The following SMG9 variants were observed in gnomAD, a reference collection of about 807,000 sequenced individuals.
SMG9 encodes the protein nonsense-mediated mRNA decay factor SMG9.
SMG9 carries 55 observed loss-of-function variants against 64.0 expected under a neutral mutation model. That is an observed-to-expected ratio of 0.86 (90% CI 0.69 to 1.08). SMG9 has a LOEUF of 1.08. SMG9 is among the 50% of genes least tolerant of loss of function. The probability of loss-of-function intolerance (pLI) is 0.00; values close to 1 mark genes in which losing one functional copy is unlikely to be tolerated. For missense variants in SMG9, 554 were observed against 681.3 expected (o/e 0.81, Z 2.08); for synonymous variants, 244 against 254.8 (o/e 0.96, Z 0.41).
chr19:43,733,543 G>T, intron 11 of SMG9, 83 bp downstream of exon 11: 1 of 1,607,964 alleles, frequency 6.2e-7, no homozygotes. Flanking sequence ...CAGGAGACTA[G>T]TCTGGGGGTA....
At chr19:43,740,951 T>C (rs1050707077) in intron 6 of SMG9, among the ~76,000 whole-genome samples, 3 of 152,188 alleles carry the variant, frequency 2.0e-5, no homozygotes, top group African/African-American at 7.2e-5. Flanking sequence ...AAAATCAGGG[T>C]AATAGTACCT....
intron 2 of SMG9, 108 bp from the exon 3 acceptor site, chr19:43,748,160 T>C (rs1969086500): frequency 3.9e-6 from 5 of 1,283,896 alleles, no homozygotes; most frequent in Non-Finnish European, 5.3e-6. Flanking sequence ...ACCTTGATCC[T>C]ACCAACAGCC....
chr19:43,741,704 C>G (rs1268621580), intron 6 of SMG9, among the ~76,000 whole-genome samples: 1 of 152,188 alleles, frequency 6.6e-6, no homozygotes, highest in African/African-American at 2.4e-5. Context: ...CCACTTCAGA[C>G]GCATTGCCCA....
rs2146379383 is a variant in SMG9 at position 43,740,352 on chromosome 19, C to G, written c.702-134G>C. On this transcript the variant is annotated intron_variant, in intron 6 of 13. Coordinates refer to ENST00000270066, the MANE Select transcript of SMG9 (RefSeq NM_019108.4). ...CTCCCTAAGCTTTTCATCTGTGGCC[C>G]ATGTCAGGGGGTGGGAGGCGGGGGT... 2 of 669,252 alleles carry G rather than the reference C, an allele frequency of 3.0e-6. 1 individual carries two copies. The highest frequency in any genetic ancestry group is 5.4e-6 in the Non-Finnish European group (2 of 369,228). 41.5% of individuals were successfully genotyped at this position (669,252 alleles called of 1,614,324 possible).
intron 1 of SMG9, among the ~76,000 whole-genome samples, chr19:43,753,468 T>C (rs1969256426): frequency 1.3e-5 from 2 of 148,392 alleles, no homozygotes; most frequent in Admixed American, 6.7e-5. Context: ...CTTTTTTTTT[T>C]TTTTTTTTTT....
chr19:43,729,023 G>C lies in SMG9; in HGVS notation c.*2573C>G. 1 of 985,648 alleles carries C rather than the reference G, an allele frequency of 1.0e-6. No individual in the cohort carries two copies. The highest frequency in any genetic ancestry group is 1.2e-6 in the Non-Finnish European group (1 of 830,106). The allele number at this position is 985,648 out of a possible 1,614,324, so 61.1% of individuals were successfully genotyped here. A position where few individuals can be genotyped will look rare whatever the true frequency, so the allele number is the denominator to read the frequency against. On this transcript the variant is annotated 3_prime_UTR_variant, in exon 14 of 14. Transcript: ENST00000270066. ...ATCTAGCTGGTGTCCACAGTGGCCT[G>C]CTGGCAGCATCAGCCTGAGTCCTCT...
intron 5 of SMG9, among the ~76,000 whole-genome samples, chr19:43,745,540 C>T (rs1233825705): frequency 1.3e-5 from 2 of 152,156 alleles, no homozygotes; most frequent in Non-Finnish European, 2.9e-5. Context: ...CTTAGAATTA[C>T]CTTAAAATTT....
Position 43,740,212 on chromosome 19 carries a change from AT to A in SMG9, c.707del (p.Tyr236LeufsTer10). ...TTTCAGCGCTCTGGGCCCGGAAAACATAAGTCCTGTGGAGAGGAGCAGGCAG... is the reference window on the plus strand; with the variant it reads ...TTTCAGCGCTCTGGGCCCGGAAAACAAAGTCCTGTGGAGAGGAGCAGGCAG... ...ANTPEEDQRT[Y>X]VFRAQSAEMK... On this transcript the variant is annotated frameshift_variant, in exon 7 of 14. Coordinates refer to ENST00000270066, the MANE Select transcript of SMG9 (RefSeq NM_019108.4). LOFTEE classifies it high-confidence loss of function. 6.2e-7 allele frequency: 1 copy of A among 1,613,136 alleles called. No individual in the cohort carries two copies. Among genetic ancestry groups the A allele is most frequent in the Non-Finnish European group, 8.5e-7 (1 of 1,179,148 alleles).
chr19:43,743,232 G>A (rs1013900627), intron 6 of SMG9, among the ~76,000 whole-genome samples: 1 of 152,184 alleles, frequency 6.6e-6, no homozygotes, highest in Non-Finnish European at 1.5e-5. Flanking sequence ...GACCCATGGG[G>A]AAAATTTGCT....
intron 13 of SMG9, chr19:43,732,561 T>C (rs893894824): frequency 1.2e-5 from 5 of 402,196 alleles, no homozygotes; most frequent in African/African-American, 2.1e-5. Flanking sequence ...TAGCCACAGA[T>C]GTGTGGCCTT....
Position 43,730,791 on chromosome 19 carries a change from C to T in SMG9, c.*805G>A, listed in dbSNP as rs968085062. On this transcript the variant is annotated 3_prime_UTR_variant, in exon 14 of 14. Transcript: ENST00000270066. ...CCATGTTGGCCAGGCTGGTCTCGAA[C>T]TCCTGATCTCAAGTGATCCGCCTGC... 1 of 152,286 alleles carries T rather than the reference C, an allele frequency of 6.6e-6. No individual in the cohort carries two copies. Among genetic ancestry groups the T allele is most frequent in the Non-Finnish European group, 1.5e-5 (1 of 68,120 alleles). 9.4% of individuals were successfully genotyped at this position (152,286 alleles called of 1,614,324 possible). A position where few individuals can be genotyped will look rare whatever the true frequency, so the allele number is the denominator to read the frequency against.
At chr19:43,732,363 G>C (rs546797394) in intron 13 of SMG9, 213 of 166,776 alleles carry the variant, frequency 1.3e-3, no homozygotes, top group Non-Finnish European at 2.2e-3. Flanking sequence ...GCCGGGCCAA[G>C]TGAAAGCAGG....
Position 43,731,238 on chromosome 19 carries a change from T to TA in SMG9, c.*357dup, listed in dbSNP as rs780542469. 306 of 1,080,738 alleles carry TA rather than the reference T, an allele frequency of 2.8e-4. No individual in the cohort carries two copies. Among genetic ancestry groups the TA allele is most frequent in the Non-Finnish European group, 3.3e-4 (289 of 888,304 alleles). The allele number at this position is 1,080,738 out of a possible 1,614,324, so 66.9% of individuals were successfully genotyped here. On this transcript the variant is annotated 3_prime_UTR_variant, in exon 14 of 14. Transcript: ENST00000270066. ...CTGCCTCACCTTACAGGGAAGGGCT[T>TA]AGAGTCAGGGAAGAGGGGCCTGTTG... is the stretch of plus-strand genomic sequence containing the variant.
At chr19:43,744,547 C>G (rs867044424) in intron 6 of SMG9, among the ~76,000 whole-genome samples, 16 of 151,384 alleles carry the variant, frequency 1.1e-4, no homozygotes, top group South Asian at 2.1e-4. Context: ...TGAGGCCAGG[C>G]AGGAAGGGAG....
chr19:43,752,912 A>AAAAAAAAAAAAAAAAAAAAAAAAAAAAAC (rs1969233248), intron 1 of SMG9, among the ~76,000 whole-genome samples: 1 of 151,138 alleles, frequency 6.6e-6, no homozygotes, highest in African/African-American at 2.4e-5. Context: ...TAAAAAAAAA[A>AAAAAAAAAAAAAAAAAAAAAAAAAAAAAC]AAAAGCAGAA....
intron 5 of SMG9, among the ~76,000 whole-genome samples, chr19:43,747,034 T>C (rs1458179889): frequency 6.6e-6 from 1 of 152,066 alleles, no homozygotes; most frequent in African/African-American, 2.4e-5. Context: ...CCCAGGCTGG[T>C]CTTGAACTCC....
intron 5 of SMG9, among the ~76,000 whole-genome samples, chr19:43,746,819 CT>C (rs11326289): frequency 0.29 from 39,065 of 134,130 alleles, 5,626 homozygotes; most frequent in African/African-American, 0.4. Context: ...GCTTCTTGTT[CT>C]TTTTTTTTTT....
rs573435853 is a variant in SMG9 at position 43,745,260 on chromosome 19, T to G, written c.589-376A>C. ...GTTGGAGAAGATAGGACTCGGCGACTGAGGGCTACTGGCACAGATTCCTGG... is the reference window on the plus strand; with the variant it reads ...GTTGGAGAAGATAGGACTCGGCGACGGAGGGCTACTGGCACAGATTCCTGG... On this transcript the variant is annotated intron_variant, in intron 5 of 13. Transcript: ENST00000270066. Among the ~76,000 whole-genome samples, 9 of 152,328 alleles carry G rather than the reference T, an allele frequency of 5.9e-5. No individual in the cohort carries two copies. In the South Asian group the frequency reaches 1.9e-3, roughly 32 times the overall value.
chr19:43,737,331 G>C (rs1386082042), intron 9 of SMG9, among the ~76,000 whole-genome samples: 3 of 152,184 alleles, frequency 2.0e-5, no homozygotes, highest in Non-Finnish European at 4.4e-5. Context: ...AGTGAGAGAA[G>C]TCAGCAAGGT....
Sources: gnomAD v4.1 joint callset for allele counts (sites outside exome capture counted in the v4.1 genomes callset) on GRCh38, gnomAD v4.1.1 for gene constraint, MANE v1.5 for transcripts, NCBI Gene and HGNC (gene_info 2026-07-23, HGNC 2026-07-21) for gene names.